Variants in NEURL1 observed in about 807,000 individuals in gnomAD.
NEURL1 encodes neuralized E3 ubiquitin protein ligase 1.
A neutral mutation model predicts 41.2 loss-of-function variants in NEURL1; 26 were observed. That is an observed-to-expected ratio of 0.63 (90% confidence interval 0.46 to 0.87). The LOEUF is 0.87. NEURL1 is among the 40% of genes least tolerant of loss of function. The pLI is 0.00. For synonymous variants in NEURL1, 400 were observed against 402.3 expected, an observed-to-expected ratio of 0.99 and a Z score of 0.07; for missense variants, 761 against 871.1, an observed-to-expected ratio of 0.87 and a Z score of 1.59.
intron 3 of NEURL1, among the ~76,000 whole-genome samples, chr10:103,576,744 T>G (rs566729710): frequency 6.6e-6 from 1 of 152,210 alleles, no homozygotes; most frequent in Admixed American, 6.5e-5. Flanking sequence ...TCCCGAGGGC[T>G]TATGCATTCT....
At chr10:103,579,014 A>C (rs1404746524) in intron 3 of NEURL1, among the ~76,000 whole-genome samples, 1 of 152,246 alleles carries the variant, frequency 6.6e-6, no homozygotes, top group Non-Finnish European at 1.5e-5. Context: ...TGAGAACGTC[A>C]ACAAATGGGA....
At chr10:103,544,056 C>T (rs1592210392) in intron 1 of NEURL1, among the ~76,000 whole-genome samples, 1 of 152,078 alleles carries the variant, frequency 6.6e-6, no homozygotes, top group Non-Finnish European at 1.5e-5. Context: ...AGGGCTGAGT[C>T]GGGCAGAGAT....
At chr10:103,520,591 G>T (rs532845052) in intron 1 of NEURL1, among the ~76,000 whole-genome samples, 1 of 152,280 alleles carries the variant, frequency 6.6e-6, no homozygotes, top group African/African-American at 2.4e-5. Context: ...GGATGTTTAC[G>T]TGCAGGTCAC....
intron 1 of NEURL1, chr10:103,515,357 A>T (rs895053857): frequency 6.6e-6 from 1 of 152,168 alleles, no homozygotes; most frequent in African/African-American, 2.4e-5. Flanking sequence ...TTTTCACAGG[A>T]AACGCACAGC....
At chr10:103,575,353 C>G (rs1353681758) in intron 3 of NEURL1, among the ~76,000 whole-genome samples, 1 of 152,136 alleles carries the variant, frequency 6.6e-6, no homozygotes, top group South Asian at 2.1e-4. Flanking sequence ...TGAGGCTGGG[C>G]CAGTCTTTCC....
intron 1 of NEURL1, among the ~76,000 whole-genome samples, chr10:103,549,520 G>A (rs1477052504): frequency 6.6e-6 from 1 of 152,234 alleles, no homozygotes; most frequent in African/African-American, 2.4e-5. Context: ...TTCAGCTGGG[G>A]TTCCCTGCTT....
At chr10:103,500,668 C>G (rs1040068982) in intron 1 of NEURL1, among the ~76,000 whole-genome samples, 2 of 152,264 alleles carry the variant, frequency 1.3e-5, no homozygotes, top group Admixed American at 1.3e-4. Context: ...CCTCCTCCCC[C>G]TTACGCTTTC....
chr10:103,525,628 A>G (rs973305883), intron 1 of NEURL1, among the ~76,000 whole-genome samples: 16 of 152,178 alleles, frequency 1.1e-4, no homozygotes, highest in African/African-American at 2.7e-4. Context: ...TGCTGGGATT[A>G]CAGGTGTGAG....
chr10:103,538,614 A>C (rs1295134298), intron 1 of NEURL1, among the ~76,000 whole-genome samples: 1 of 150,372 alleles, frequency 6.7e-6, no homozygotes, highest in Non-Finnish European at 1.5e-5. Context: ...CTACCCACTG[A>C]TGAGCATTTT....
chr10:103,524,063 A>G (rs563219179), intron 1 of NEURL1, among the ~76,000 whole-genome samples: 18 of 152,272 alleles, frequency 1.2e-4, no homozygotes, highest in African/African-American at 4.3e-4. Context: ...CCGCCTGCAG[A>G]AAGAGTTCCC....
intron 1 of NEURL1, among the ~76,000 whole-genome samples, chr10:103,495,143 C>G (rs903644824): frequency 6.6e-6 from 1 of 152,200 alleles, no homozygotes; most frequent in East Asian, 1.9e-4. Flanking sequence ...ACTCAGCACC[C>G]TCAGGGTGGC....
At chr10:103,548,331 C>CTT (rs57933825) in intron 1 of NEURL1, among the ~76,000 whole-genome samples, 47 of 151,738 alleles carry the variant, frequency 3.1e-4, no homozygotes, top group African/African-American at 1.1e-3. Context: ...ATGTATTTTT[C>CTT]TTTTTTTTTG....
intron 1 of NEURL1, among the ~76,000 whole-genome samples, chr10:103,549,999 TGCTCTCTGGAG>T (rs1291246134): frequency 6.6e-6 from 1 of 152,264 alleles, no homozygotes; most frequent in Admixed American, 6.5e-5. Flanking sequence ...CTGGCCCCAG[TGCTCTCTGGAG>T]GCTCTTCCCC....
At chr10:103,555,637 C>T (rs1386062276) in intron 1 of NEURL1, among the ~76,000 whole-genome samples, 1 of 152,044 alleles carries the variant, frequency 6.6e-6, no homozygotes, top group South Asian at 2.1e-4. Flanking sequence ...CTGACAGTGG[C>T]GCCCTCCCAC....
chr10:103,587,335 G>T (rs2035943666), intron 4 of NEURL1, among the ~76,000 whole-genome samples: 1 of 152,106 alleles, frequency 6.6e-6, no homozygotes, highest in Admixed American at 6.5e-5. Context: ...AGGTTTACTA[G>T]ACTGGAGCAA....
intron 1 of NEURL1, among the ~76,000 whole-genome samples, chr10:103,521,611 C>T (rs1280891697): frequency 6.6e-6 from 1 of 152,106 alleles, no homozygotes; most frequent in Non-Finnish European, 1.5e-5. Context: ...TGGCTTGTAA[C>T]CAACCTAGAA....
In NEURL1 at chr10:103,545,214, T is replaced by A. The variant is rs996378525; in HGVS notation, c.86-25658T>A. ...AGTCACCCTGTGGTGGCTCCCCTCCTTGGGCTGTCCTTTGTGCAGGAATAC... is the reference window on the plus strand; with the variant it reads ...AGTCACCCTGTGGTGGCTCCCCTCCATGGGCTGTCCTTTGTGCAGGAATAC... On this transcript the variant is annotated intron_variant, in intron 1 of 5. Transcript: ENST00000369780. The surrounding 1 kb of genome is among the most constrained non-coding windows in gnomAD (Gnocchi z 4.5). Among the ~76,000 whole-genome samples, 1 of 152,214 alleles carries A rather than the reference T, an allele frequency of 6.6e-6. No individual in the cohort carries two copies. Among genetic ancestry groups the A allele is most frequent in the Non-Finnish European group, 1.5e-5 (1 of 68,030 alleles).
At chr10:103,568,548 G>A (rs912091126) in intron 1 of NEURL1, among the ~76,000 whole-genome samples, 3 of 152,192 alleles carry the variant, frequency 2.0e-5, no homozygotes, top group Non-Finnish European at 2.9e-5. Flanking sequence ...AAACTGCTTC[G>A]TGGAGGTGTA....
intron 1 of NEURL1, chr10:103,555,523 A>C (rs1403781765): frequency 6.4e-5 from 62 of 963,502 alleles, no homozygotes; most frequent in Middle Eastern, 4.2e-4. Flanking sequence ...CCTACTTCTC[A>C]CTCCATGGAG....
Sources: gnomAD v4.1 joint callset for allele counts (sites outside exome capture counted in the v4.1 genomes callset) on GRCh38, gnomAD v4.1.1 for gene constraint, Gnocchi (gnomAD v3.1) non-coding constraint, MANE v1.5 for transcripts, NCBI Gene and HGNC (gene_info 2026-07-23, HGNC 2026-07-21) for gene names.